The following LRRC18 variants were observed in gnomAD, a reference collection of about 807,000 sequenced individuals.
The protein encoded by LRRC18 is leucine rich repeat containing 18.
In LRRC18, 12 loss-of-function variants were observed where a neutral mutation model predicts 11.2. The ratio of observed to expected loss-of-function variants is 1.07; its 90% CI spans 0.69 to 1.74. LRRC18 has a LOEUF of 1.74. Ranked by LOEUF, LRRC18 falls within the 40% of genes most tolerant of loss-of-function variation. The pLI is 0.00. For synonymous variants in LRRC18, 155 were observed against 130.6 expected (o/e 1.19, Z -1.27); for missense variants, 374 against 330.5 (o/e 1.13, Z -1.02).
the LRRC18 span, among the ~76,000 whole-genome samples, chr10:48,936,929 GT>G: frequency 2.4e-5 from 2 of 85,006 alleles, no homozygotes; most frequent in Non-Finnish European, 6.3e-5. Flanking sequence ...TTCAGGTTTT[GT>G]TTTTTTGAGA....
the LRRC18 span, among the ~76,000 whole-genome samples, chr10:48,928,227 A>G: frequency 6.6e-6 from 1 of 152,100 alleles, no homozygotes; most frequent in Non-Finnish European, 1.5e-5. Flanking sequence ...TACCTTCCCC[A>G]TGACCCTGGA....
upstream of LRRC18, among the ~76,000 whole-genome samples, chr10:48,918,227 C>T (rs1838728991): frequency 6.6e-6 from 1 of 152,254 alleles, no homozygotes; most frequent in Middle Eastern, 3.4e-3. Context: ...GAAACTCAAA[C>T]ATAGCAATAC....
upstream of LRRC18, among the ~76,000 whole-genome samples, chr10:48,915,819 A>G (rs1215149249): frequency 6.6e-6 from 1 of 152,130 alleles, no homozygotes; most frequent in Non-Finnish European, 1.5e-5. Context: ...GGCAGCATTG[A>G]TGTTCATTTA....
At chr10:48,927,867 A>G in the LRRC18 span, among the ~76,000 whole-genome samples, 7 of 152,264 alleles carry the variant, frequency 4.6e-5, no homozygotes, top group African/African-American at 1.7e-4. Flanking sequence ...TTAAAGGAAC[A>G]AAAGGGAATA....
exon 1 of LRRC18, chr10:48,913,673 C>T (rs750917616): frequency 6.2e-7 from 1 of 1,613,550 alleles, no homozygotes; most frequent in Non-Finnish European, 8.5e-7. Flanking sequence ...TGGAGATGCT[C>T]ACGGGGATGT....
chr10:48,933,651 G>A, the LRRC18 span, among the ~76,000 whole-genome samples: 1 of 152,106 alleles, frequency 6.6e-6, no homozygotes, highest in Non-Finnish European at 1.5e-5. Flanking sequence ...CAGTTCTAGG[G>A]GCTGAGATGA....
the LRRC18 span, among the ~76,000 whole-genome samples, chr10:48,920,789 T>G: frequency 6.6e-6 from 1 of 152,220 alleles, no homozygotes; most frequent in Non-Finnish European, 1.5e-5. Context: ...TTCTTGGAAC[T>G]AATAAGTGAG....
At chr10:48,937,645 AG>A in the LRRC18 span, among the ~76,000 whole-genome samples, 64 of 152,356 alleles carry the variant, frequency 4.2e-4, no homozygotes, top group Admixed American at 1.6e-3. Context: ...TAAACAATTA[AG>A]TGTTATTATT....
chr10:48,913,951 T>C (rs754862879), exon 1 of LRRC18: 1 of 1,614,084 alleles, frequency 6.2e-7, no homozygotes, highest in Non-Finnish European at 8.5e-7. Context: ...AACTTGGAGA[T>C]GGAGTCAGGG....
At chr10:48,911,959 G>A (rs1838045326) in intron 1 of LRRC18, among the ~76,000 whole-genome samples, 1 of 152,216 alleles carries the variant, frequency 6.6e-6, no homozygotes, top group African/African-American at 2.4e-5. Context: ...GACAATGTGA[G>A]GAGAAAATAA....
the LRRC18 span, among the ~76,000 whole-genome samples, chr10:48,937,780 T>G: frequency 1.3e-5 from 2 of 152,192 alleles, no homozygotes; most frequent in Non-Finnish European, 2.9e-5. Flanking sequence ...GGTACGTCTG[T>G]CTCTACATGG....
At chr10:48,915,729 C>T (rs187074824), upstream of LRRC18, among the ~76,000 whole-genome samples, 1 of 152,306 alleles carries the variant, frequency 6.6e-6, no homozygotes, top group Non-Finnish European at 1.5e-5. Flanking sequence ...GGGTCCTACC[C>T]TGCGAAAGGC....
At chr10:48,915,609 G>A (rs995683112), upstream of LRRC18, among the ~76,000 whole-genome samples, 2 of 152,076 alleles carry the variant, frequency 1.3e-5, no homozygotes, top group African/African-American at 4.8e-5. Context: ...CAGGCTGTGT[G>A]GGAATATAGT....
chr10:48,914,766 C>G (rs2377651), upstream of LRRC18, among the ~76,000 whole-genome samples: 22,028 of 152,188 alleles, frequency 0.14, 1,829 homozygotes, highest in Middle Eastern at 0.22. Context: ...TGGCTACAGT[C>G]CAACAGTAGC....
In LRRC18 at chr10:48,913,531, C is replaced by T. The variant is rs765969044; in HGVS notation, c.625G>A (p.Ala209Thr). 1.2e-6 allele frequency: 2 copies of T among 1,613,912 alleles called. No individual in the cohort carries two copies. Among genetic ancestry groups the T allele is most frequent in the African/African-American group, 1.3e-5 (1 of 74,854 alleles). ...GCGTTTTGGCATTTTCTCAGGCAAG[C>T]CGCACACAGATCCTTCTCCTCCACA... The change falls in exon 1 of 2, where the codon GCT becomes ACT. Residue 209 changes from alanine (A) to threonine (T), a missense_variant. Transcript: ENST00000374160.
At chr10:48,924,854 T>C in the LRRC18 span, among the ~76,000 whole-genome samples, 15 of 152,252 alleles carry the variant, frequency 9.9e-5, no homozygotes, top group Non-Finnish European at 2.1e-4. Flanking sequence ...TTCACACTCA[T>C]GTATCTTTGA....
exon 1 of LRRC18, chr10:48,913,430 T>A: frequency 1.2e-6 from 2 of 1,613,026 alleles, no homozygotes; most frequent in Non-Finnish European, 8.5e-7. Flanking sequence ...TGGAATTGGG[T>A]GAGATCAGAT....
chr10:48,939,782 T>A, the LRRC18 span, among the ~76,000 whole-genome samples: 1 of 152,236 alleles, frequency 6.6e-6, no homozygotes, highest in Admixed American at 6.5e-5. Flanking sequence ...GGTAATGGCG[T>A]CTTTCTCTGA....
chr10:48,913,913 G>A (rs760051660), exon 1 of LRRC18: 1 of 1,614,154 alleles, frequency 6.2e-7, no homozygotes, highest in Non-Finnish European at 8.5e-7. Context: ...TGTAGTTGCT[G>A]TGCAGGTCCA....
Sources: allele counts gnomAD v4.1 joint callset (sites outside exome capture counted in the v4.1 genomes callset), GRCh38; gene constraint gnomAD v4.1.1; transcripts MANE v1.5; gene names NCBI Gene and HGNC (gene_info 2026-07-23, HGNC 2026-07-21).